Variants in SATL1 observed in about 807,000 individuals in gnomAD.
SATL1 encodes the protein spermidine/spermine N(1)-acetyltransferase-like protein 1.
Under a neutral mutation model 51.8 loss-of-function variants are expected in SATL1, and 47 were observed. That is an observed-to-expected ratio of 0.91 (90% confidence interval 0.72 to 1.16). The LOEUF (loss-of-function observed/expected upper bound fraction) is 1.16. Ranked by LOEUF, SATL1 falls within the 50% of genes most tolerant of loss-of-function variation. The probability of loss-of-function intolerance (pLI) is 0.00; values close to 1 mark genes in which losing one functional copy is unlikely to be tolerated. For missense variants in SATL1, 520 were observed against 526.4 expected (o/e 0.99, Z 0.12); for synonymous variants, 176 against 182.4 (o/e 0.97, Z 0.28).
Position 85,098,447 on chromosome X carries a change from G to A in SATL1, c.1694-3451C>T, listed in dbSNP as rs572796233. On this transcript the variant is annotated intron_variant, in intron 4 of 7. Transcript: ENST00000644105. ...AAAAGTAGATGACTTGAACACTGTA[G>A]ACCAATTGTATCTAACAGACATATA... Among the ~76,000 whole-genome samples the A allele has an allele frequency of 1.3e-3, 144 of 111,693 alleles. 2 individuals carry two copies. In the South Asian group the frequency reaches 0.052, roughly 40 times the overall value.
At position 85,243,777 on chromosome X, in the gene SATL1, T is replaced by G. The variant is rs937801256; in HGVS notation, c.-624A>C. The G allele has an allele frequency of 1.8e-5, 2 of 109,361 alleles. No individual in the cohort carries two copies. Among genetic ancestry groups the G allele is most frequent in the Admixed American group, 9.5e-5 (1 of 10,488 alleles). 9.0% of individuals were successfully genotyped at this position (109,361 alleles called of 1,213,427 possible). On this transcript the variant is annotated 5_prime_UTR_variant, in exon 1 of 8. Transcript: ENST00000644105. ...GAAACTCCTCAGGGGCGCGCCGAGA[T>G]CTGGGCTTGCGCACTTGGACTTGGC... is the stretch of plus-strand genomic sequence containing the variant.
chrX:85,154,965 T>C (rs1926550890), intron 2 of SATL1, among the ~76,000 whole-genome samples: 1 of 111,452 alleles, frequency 9.0e-6, no homozygotes, highest in South Asian at 3.7e-4. Context: ...AAATATTACT[T>C]TAAAATTGGA....
In SATL1 at chrX:85,093,240, A is replaced by T; in HGVS notation, c.1877-15T>A. 1 of 1,157,613 alleles carries T rather than the reference A, an allele frequency of 8.6e-7. No individual in the cohort carries two copies. The highest frequency in any genetic ancestry group is 1.2e-6 in the Non-Finnish European group (1 of 866,402). On this transcript the variant is annotated splice_polypyrimidine_tract_variant and intron_variant, in intron 6 of 7. Coordinates refer to ENST00000644105, the MANE Select transcript of SATL1 (RefSeq NM_001367857.2). ...AATACCTAGGCCTTTTAAATAGACA[A>T]TGCAAAGTGAAAACTGCAAATTTCA...
At chrX:85,136,104 G>C (rs1465826666) in intron 2 of SATL1, among the ~76,000 whole-genome samples, 2 of 110,195 alleles carry the variant, frequency 1.8e-5, no homozygotes, top group Non-Finnish European at 3.8e-5. Context: ...GTAGGGCAGA[G>C]GAAGACCCCT....
At chrX:85,220,004 T>C (rs1276485873) in intron 2 of SATL1, among the ~76,000 whole-genome samples, 1 of 82,655 alleles carries the variant, frequency 1.2e-5, no homozygotes, top group Non-Finnish European at 2.3e-5. Flanking sequence ...ACTGAAGAGA[T>C]AGAAAAAAAA....
At chrX:85,099,930 G>A (rs1359671383) in intron 4 of SATL1, among the ~76,000 whole-genome samples, 11 of 112,530 alleles carry the variant, frequency 9.8e-5, no homozygotes, top group Non-Finnish European at 1.7e-4. Flanking sequence ...CATAGGCCAG[G>A]CCCAGTGTCT....
chrX:85,199,093 C>A (rs1927638248), intron 2 of SATL1, among the ~76,000 whole-genome samples: 1 of 110,239 alleles, frequency 9.1e-6, no homozygotes, highest in Non-Finnish European at 1.9e-5. Flanking sequence ...CCCGCCTCAG[C>A]CTCCCAAAGT....
chrX:85,121,912 G>A (rs1466360713), intron 2 of SATL1, among the ~76,000 whole-genome samples: 1 of 109,499 alleles, frequency 9.1e-6, no homozygotes, highest in African/African-American at 3.3e-5. Flanking sequence ...TGCTGGATAT[G>A]TTAATTAGCA....
chrX:85,213,823 A>G (rs1927979740), intron 2 of SATL1, among the ~76,000 whole-genome samples: 1 of 112,020 alleles, frequency 8.9e-6, no homozygotes, highest in South Asian at 3.7e-4. Flanking sequence ...AAGAACTTTC[A>G]TGAGACATGT....
intron 2 of SATL1, among the ~76,000 whole-genome samples, chrX:85,170,151 G>A (rs747349334): frequency 9.0e-6 from 1 of 110,863 alleles, no homozygotes; most frequent in Non-Finnish European, 1.9e-5. Flanking sequence ...ACAAGGGAGA[G>A]GATCAGAAAA....
At chrX:85,128,907 C>A (rs1343949826) in intron 2 of SATL1, among the ~76,000 whole-genome samples, 2 of 111,994 alleles carry the variant, frequency 1.8e-5, no homozygotes, top group Non-Finnish European at 1.9e-5. Context: ...AAAGGGAATC[C>A]TTTCCCCATT....
At chrX:85,156,851 AT>A (rs1569238890) in intron 2 of SATL1, among the ~76,000 whole-genome samples, 57 of 59,121 alleles carry the variant, frequency 9.6e-4, no homozygotes, top group Admixed American at 1.3e-3. Flanking sequence ...ATATATATAT[AT>A]ATATATATAT....
At chrX:85,147,719 G>T (rs1339825963) in intron 2 of SATL1, among the ~76,000 whole-genome samples, 1 of 112,071 alleles carries the variant, frequency 8.9e-6, no homozygotes, top group East Asian at 2.8e-4. Context: ...ACAGGGTCTG[G>T]AGTGGACCTC....
intron 2 of SATL1, among the ~76,000 whole-genome samples, chrX:85,215,621 A>C (rs1391982898): frequency 8.9e-6 from 1 of 112,293 alleles, no homozygotes; most frequent in Non-Finnish European, 1.9e-5. Context: ...CATCACTCTT[A>C]AGTTCAGCCT....
At chrX:85,129,338 A>G (rs1925715164) in intron 2 of SATL1, among the ~76,000 whole-genome samples, 1 of 111,510 alleles carries the variant, frequency 9.0e-6, no homozygotes, top group African/African-American at 3.3e-5. Flanking sequence ...AGTGGTTTGT[A>G]GTTCTCTTGA....
chrX:85,135,640 C>T (rs1449380620), intron 2 of SATL1, among the ~76,000 whole-genome samples: 3 of 107,485 alleles, frequency 2.8e-5, no homozygotes, highest in Middle Eastern at 4.7e-3. Context: ...GGCATGATCT[C>T]GGCTCACTAC....
chrX:85,203,860 G>A lies in SATL1; in HGVS notation c.-313+20345C>T, dbSNP rs947757849. Among the ~76,000 whole-genome samples the A allele has an allele frequency of 6.2e-5, 7 of 112,660 alleles. No individual in the cohort carries two copies. In the Admixed American group the frequency reaches 6.5e-4, roughly 11 times the overall value. Reference sequence around the variant, plus strand: ...AAGCCAGTGGGTCTTATCTTGCGTAGTGCCGTGGAAGTGAGGCTTGTGGGC... The same window carrying A: ...AAGCCAGTGGGTCTTATCTTGCGTAATGCCGTGGAAGTGAGGCTTGTGGGC... On this transcript the variant is annotated intron_variant, in intron 2 of 7. Coordinates refer to ENST00000644105, the MANE Select transcript of SATL1 (RefSeq NM_001367857.2).
At chrX:85,212,709 C>A (rs1927954792) in intron 2 of SATL1, 1 of 110,644 alleles carries the variant, frequency 9.0e-6, no homozygotes, top group Admixed American at 9.6e-5. Flanking sequence ...CCAAACAGGA[C>A]AGTCTTTACG....
At chrX:85,218,831 T>C (rs1238118210) in intron 2 of SATL1, among the ~76,000 whole-genome samples, 1 of 111,966 alleles carries the variant, frequency 8.9e-6, no homozygotes, top group African/African-American at 3.2e-5. Flanking sequence ...TAAACCAGTA[T>C]GAAGGAACTA....
Sources: allele counts gnomAD v4.1 joint callset (sites outside exome capture counted in the v4.1 genomes callset), GRCh38; gene constraint gnomAD v4.1.1; transcripts MANE v1.5; gene names NCBI Gene and HGNC (gene_info 2026-07-23, HGNC 2026-07-21).